Variants in MELTF observed in about 807,000 individuals in gnomAD.
The protein encoded by MELTF is melanotransferrin, also known as antigen p97 (melanoma associated) identified by monoclonal antibodies 133.2 and 96.5.
MELTF carries 67 observed loss-of-function variants against 83.7 expected under a neutral mutation model. That is an observed-to-expected ratio of 0.80 (90% CI 0.66 to 0.98). MELTF has a LOEUF of 0.98. Among genes scored for constraint, MELTF ranks in the 50% least tolerant of loss-of-function variants. MELTF has a pLI of 0.00. For synonymous variants in MELTF, 462 were observed against 447.6 expected (o/e 1.03, Z -0.41); for missense variants, 1,002 against 1,035.6 (o/e 0.97, Z 0.44).
chr3:197,026,350 T>G, intron 3 of MELTF: 1 of 325,678 alleles, frequency 3.1e-6, no homozygotes, highest in Non-Finnish European at 5.8e-6. Flanking sequence ...CCCAAGGCAG[T>G]TACGCACACA....
chr3:197,026,933 C>T lies in MELTF; in HGVS notation c.205-174G>A, dbSNP rs1258723793. The T allele has an allele frequency of 1.4e-5, 8 of 576,556 alleles. No homozygotes were observed. In the African/African-American group the frequency reaches 1.5e-4, roughly 11 times the overall value. The allele number at this position is 576,556 out of a possible 1,614,324, so 35.7% of individuals were successfully genotyped here. On this transcript the variant is annotated intron_variant, in intron 2 of 15. Coordinates refer to ENST00000296350, the MANE Select transcript of MELTF (RefSeq NM_005929.6). ...CCAGGGCTCTCCCCCTTTCCCAGGC[C>T]AGGGATTCACCTTGTTTTCCTAATA...
intron 9 of MELTF, among the ~76,000 whole-genome samples, chr3:197,014,096 G>A (rs1560215081): frequency 6.6e-6 from 1 of 152,180 alleles, no homozygotes; most frequent in Non-Finnish European, 1.5e-5. Context: ...GCCAGGATGT[G>A]GAATCAACCC....
intron 4 of MELTF, among the ~76,000 whole-genome samples, 175 bp from the exon 5 acceptor site, chr3:197,023,288 G>A (rs1273871665): frequency 6.6e-6 from 1 of 152,152 alleles, no homozygotes. Flanking sequence ...CCCCCAAACC[G>A]GGTCCACCAA....
chr3:197,019,943 C>T (rs1719554838), intron 6 of MELTF: 2 of 1,238,580 alleles, frequency 1.6e-6, no homozygotes, highest in Admixed American at 2.9e-5. Flanking sequence ...GGGGAGATAA[C>T]TAGCAGGGGC....
rs765265878 is a variant in MELTF, at chr3:197,017,205, G to A, written c.798C>T (p.Thr266=). 45 of 1,601,390 alleles carry A rather than the reference G, an allele frequency of 2.8e-5. No homozygotes were observed. Among genetic ancestry groups the A allele is most frequent in the Non-Finnish European group, 3.7e-5 (44 of 1,175,392 alleles). The change falls in exon 7 of 16, where the codon ACC becomes ACT. Residue 266 remains threonine (T), a synonymous_variant. Transcript: ENST00000296350. ...GGGCCAGATGGCACTGCCTCCACTC[G>A]GTGACATCGGCCCGGCTACCATCCC... ...LCRDGSRADV[T]EWRQCHLARV...
rs778253146 is a variant in MELTF at position 197,003,955 on chromosome 3, G to A, written c.2083C>T (p.Leu695=). 6.2e-7 allele frequency: 1 copy of A among 1,614,124 alleles called. No individual in the cohort carries two copies. Among genetic ancestry groups the A allele is most frequent in the South Asian group, 1.1e-5 (1 of 91,086 alleles). ...EKTTYRGWLG[L]DYVAALEGMS... ...CCTTCCAGCGCCGCCACGTAGTCCA[G>A]CCCCAGCCAGCCGCGGTAGGTGGTT... The change falls in exon 15 of 16, where the codon CTG becomes TTG. Residue 695 remains leucine, a synonymous_variant. Transcript: ENST00000296350. The surrounding 1 kb of genome is among the most constrained non-coding windows in gnomAD (Gnocchi z 6.2).
rs1428310021 is a variant in MELTF, at chr3:197,007,865, T to G, written c.1750+792A>C. On this transcript the variant is annotated intron_variant, in intron 13 of 15. Coordinates refer to ENST00000296350, the MANE Select transcript of MELTF (RefSeq NM_005929.6). This position sits in a 1 kb window ranked among gnomAD's most constrained non-coding sequence, Gnocchi z 4.3. ...TCCCCACCGGGCCACAGTTGTGCCT[T>G]TCTGGGCTAAGTCTATAGGAGGAGA... 6.6e-6 allele frequency among the ~76,000 whole-genome samples: 1 copy of G among 152,176 alleles called. No homozygotes were observed. The highest frequency in any genetic ancestry group is 1.9e-4 in the East Asian group (1 of 5,192).
In MELTF at chr3:197,022,976, C is replaced by T. The variant is rs147201042; in HGVS notation, c.625G>A (p.Asp209Asn). Residue 209 changes from aspartate to asparagine, a missense_variant, in exon 5 of 16, where the codon GAC becomes AAC. By Grantham distance (23) the Asp-to-Asn change is conservative. Coordinates refer to ENST00000296350, the MANE Select transcript of MELTF (RefSeq NM_005929.6). The surrounding 1 kb of genome is among the most constrained non-coding windows in gnomAD (Gnocchi z 5.1). Reference protein sequence around the residue: ...CDKSPLERYYDYSGAFRCLAE... With the variant: ...CDKSPLERYYNYSGAFRCLAE... ...GCTCACCGGAAGGCCCCGCTGTAGT[C>T]GTAGTATCTCTCCAGGGGGCTCTTG... The T allele has an allele frequency of 7.7e-5, 124 of 1,611,170 alleles. No individual in the cohort carries two copies. Among genetic ancestry groups the T allele is most frequent in the Admixed American group, 5.9e-4 (35 of 59,562 alleles).
Position 197,021,399 on chromosome 3 carries a change from C to T in MELTF, c.712+5G>A. The T allele has an allele frequency of 6.2e-7, 1 of 1,614,030 alleles. No individual in the cohort carries two copies. Among genetic ancestry groups the T allele is most frequent in the Non-Finnish European group, 8.5e-7 (1 of 1,179,972 alleles). Reference sequence around the variant, plus strand: ...CCTCTGGGCCCGTGCCCCTCCCCCACTCACCATCCGTGTTCTCCAGTACCG... The same window carrying T: ...CCTCTGGGCCCGTGCCCCTCCCCCATTCACCATCCGTGTTCTCCAGTACCG... On this transcript the variant is annotated splice_donor_5th_base_variant and intron_variant, in intron 6 of 15. Coordinates refer to ENST00000296350, the MANE Select transcript of MELTF (RefSeq NM_005929.6).
chr3:197,003,609 C>G lies in MELTF; in HGVS notation c.2138-158G>C, dbSNP rs545393446. 2.0e-4 allele frequency: 141 copies of G among 688,902 alleles called. No individual in the cohort carries two copies. In the South Asian group the frequency reaches 3.3e-3, roughly 16 times the overall value. The allele number at this position is 688,902 out of a possible 1,614,324, so 42.7% of individuals were successfully genotyped here. On this transcript the variant is annotated intron_variant, in intron 15 of 15. Coordinates refer to ENST00000296350, the MANE Select transcript of MELTF (RefSeq NM_005929.6). The surrounding 1 kb of genome is among the most constrained non-coding windows in gnomAD (Gnocchi z 6.2). ...CCCCTGCTGCCCTTCCAGATGCGCT[C>G]TTTCCAGAAAGGCAGCACACGCATG...
chr3:197,006,641 C>T lies in MELTF; in HGVS notation c.1846G>A (p.Ala616Thr). The T allele has an allele frequency of 1.2e-6, 2 of 1,611,094 alleles. No individual in the cohort carries two copies. Among genetic ancestry groups the T allele is most frequent in the Non-Finnish European group, 1.7e-6 (2 of 1,178,514 alleles). ...GARAEVSQFA[A>T]CNLAQIPPHA... is the part of the protein sequence containing the mutation. ...GGTGGTATCTGTGCCAGGTTGCAGG[C>T]TGCAAACTGGGACACCTCGGCTCGG... The change falls in exon 14 of 16, where the codon GCC (alanine) becomes ACC (threonine). Residue 616 changes from alanine to threonine, a missense_variant. Transcript: ENST00000296350. The surrounding 1 kb of genome is among the most constrained non-coding windows in gnomAD (Gnocchi z 5.4).
intron 6 of MELTF, chr3:197,019,642 A>T (rs781378624): frequency 5.0e-6 from 8 of 1,611,744 alleles, no homozygotes; most frequent in Non-Finnish European, 6.8e-6. Context: ...CCGTTTTCCA[A>T]ATTCTCCTTT....
rs1012627302 is a variant in MELTF at position 197,029,542 on chromosome 3, C to T, written c.49+112G>A. The T allele has an allele frequency of 1.1e-5, 10 of 891,526 alleles. 1 individual carries two copies. The African/African-American group carries it at 1.7e-4, about 15-fold the overall frequency. The allele number at this position is 891,526 out of a possible 1,614,324, so 55.2% of individuals were successfully genotyped here. A position where few individuals can be genotyped will look rare whatever the true frequency, so the allele number is the denominator to read the frequency against. Reference sequence around the variant, plus strand: ...CCCCGAGCCCCTGCCTCCCCCGTCTCACTGCCCCGGAGCCGCAGGCTCAGG... The same window carrying T: ...CCCCGAGCCCCTGCCTCCCCCGTCTTACTGCCCCGGAGCCGCAGGCTCAGG... On this transcript the variant is annotated intron_variant, in intron 1 of 15. Coordinates refer to ENST00000296350, the MANE Select transcript of MELTF (RefSeq NM_005929.6). The surrounding 1 kb of genome is among the most constrained non-coding windows in gnomAD (Gnocchi z 6.5).
chr3:197,022,648 T>A lies in MELTF; in HGVS notation c.644+309A>T, dbSNP rs1719668249. 1.3e-5 allele frequency among the ~76,000 whole-genome samples: 2 copies of A among 152,186 alleles called. No homozygotes were observed. Among genetic ancestry groups the A allele is most frequent in the Admixed American group, 6.5e-5 (1 of 15,280 alleles). ...GACACACTCCCCTGACCCCGCTCCC[T>A]GCTGGTCTGAGAATGGGGACATGGG... On this transcript the variant is annotated intron_variant, in intron 5 of 15. Transcript: ENST00000296350. The surrounding 1 kb of genome is among the most constrained non-coding windows in gnomAD (Gnocchi z 5.1).
At chr3:197,026,637 C>G in intron 3 of MELTF, 23 bp downstream of exon 3, 1 of 1,606,178 alleles carries the variant, frequency 6.2e-7, no homozygotes, top group Non-Finnish European at 8.5e-7. Context: ...GCTGTCCTCT[C>G]TCCTCCCACT....
At chr3:197,027,719 C>G in intron 2 of MELTF, 37 bp downstream of exon 2, 1 of 1,582,802 alleles carries the variant, frequency 6.3e-7, no homozygotes, top group Admixed American at 1.7e-5. Flanking sequence ...TGAGTCACAG[C>G]CCTCTTGTCT....
chr3:197,024,537 G>T lies in MELTF; in HGVS notation c.305-52C>A. On this transcript the variant is annotated intron_variant, in intron 3 of 15. Coordinates refer to ENST00000296350, the MANE Select transcript of MELTF (RefSeq NM_005929.6). This position sits in a 1 kb window ranked among gnomAD's most constrained non-coding sequence, Gnocchi z 5.3. ...GCAGCAGGGAGAGGCCTCGAGAGAG[G>T]CTGCACCAGCACCCTGCCTGGGCGG... 1 of 1,492,522 alleles carries T rather than the reference G, an allele frequency of 6.7e-7. No individual in the cohort carries two copies. Among genetic ancestry groups the T allele is most frequent in the Non-Finnish European group, 9.1e-7 (1 of 1,102,838 alleles). The allele number at this position is 1,492,522 out of a possible 1,614,324, so 92.5% of individuals were successfully genotyped here.
At chr3:197,021,368 C>A in intron 6 of MELTF, 36 bp downstream of exon 6, 1 of 1,610,634 alleles carries the variant, frequency 6.2e-7, no homozygotes, top group Non-Finnish European at 8.5e-7. Flanking sequence ...GGCCTGACTC[C>A]CTGCTCCTCT....
In MELTF at chr3:197,015,179, C is replaced by T. The variant is rs374866501; in HGVS notation, c.1233+186G>A. Among the ~76,000 whole-genome samples, 27 of 152,278 alleles carry T rather than the reference C, an allele frequency of 1.8e-4. No homozygotes were observed. In the East Asian group the frequency reaches 1.9e-3, roughly 11 times the overall value. On this transcript the variant is annotated intron_variant, in intron 9 of 15. Coordinates refer to ENST00000296350, the MANE Select transcript of MELTF (RefSeq NM_005929.6). Reference sequence around the variant, plus strand: ...GCTGGCCCCTGCGGTCGCTCCTCCCCGCCTGTCTCTGTCCCCTGGGGTGGG... The same window carrying T: ...GCTGGCCCCTGCGGTCGCTCCTCCCTGCCTGTCTCTGTCCCCTGGGGTGGG...
Sources: allele counts gnomAD v4.1 joint callset (sites outside exome capture counted in the v4.1 genomes callset), GRCh38; gene constraint gnomAD v4.1.1; non-coding constraint Gnocchi (gnomAD v3.1); transcripts MANE v1.5; gene names NCBI Gene and HGNC (gene_info 2026-07-23, HGNC 2026-07-21).